GNB4: variants seen among roughly 807,000 people sequenced by gnomAD.
GNB4 encodes the protein G protein subunit beta 4, also known as guanine nucleotide-binding protein subunit beta-4.
GNB4 carries 28 observed loss-of-function variants against 45.2 expected under a neutral mutation model. That is an observed-to-expected ratio of 0.62 (90% CI 0.46 to 0.85). The LOEUF (loss-of-function observed/expected upper bound fraction) is 0.85, where lower values mean the gene tolerates loss of function less well. GNB4 is among the 40% of genes least tolerant of loss of function. The pLI, the probability that GNB4 is intolerant of heterozygous loss-of-function variation, is 0.00. For missense variants in GNB4, 321 were observed against 425.4 expected (o/e 0.75, Z 2.16); for synonymous variants, 132 against 143.7 (o/e 0.92, Z 0.58).
the GNB4 span, among the ~76,000 whole-genome samples, chr3:179,493,389 A>G: frequency 6.6e-6 from 1 of 152,192 alleles, no homozygotes; most frequent in Non-Finnish European, 1.5e-5. Flanking sequence ...TCATAAAAAA[A>G]GAACCAAACA....
Position 179,399,556 on chromosome 3 carries a change from T to C in GNB4, c.*1657A>G, listed in dbSNP as rs1467192947. ...TATAAATATACATTCATAACTGCCA[T>C]CTACAATATTCTGTTTTGGTCCTAT... is the stretch of plus-strand genomic sequence containing the variant. On this transcript the variant is annotated 3_prime_UTR_variant, in exon 10 of 10. Transcript: ENST00000232564. 2 of 152,216 alleles carry C rather than the reference T, an allele frequency of 1.3e-5. No homozygotes were observed. The highest frequency in any genetic ancestry group is 4.8e-5 in the African/African-American group (2 of 41,462). The allele number at this position is 152,216 out of a possible 1,614,324, so 9.4% of individuals were successfully genotyped here.
the GNB4 span, among the ~76,000 whole-genome samples, chr3:179,498,259 G>A: frequency 6.6e-6 from 1 of 152,122 alleles, no homozygotes; most frequent in Non-Finnish European, 1.5e-5. Flanking sequence ...AGAGTTTAGG[G>A]TACAAGATGT....
the GNB4 span, among the ~76,000 whole-genome samples, chr3:179,473,828 C>T: frequency 2.6e-5 from 4 of 152,274 alleles, no homozygotes; most frequent in South Asian, 2.1e-4. Flanking sequence ...GTTGTAGTTT[C>T]GGTTCAAGAG....
chr3:179,510,706 C>T, the GNB4 span, among the ~76,000 whole-genome samples: 4,728 of 152,178 alleles, frequency 0.031, 212 homozygotes, highest in African/African-American at 0.1. Context: ...CAATGTGAAG[C>T]TTCCTGCCTG....
chr3:179,426,723 G>A lies in GNB4; in HGVS notation c.-42-481C>T, dbSNP rs867014007. 4.6e-5 allele frequency among the ~76,000 whole-genome samples: 7 copies of A among 152,052 alleles called. No individual in the cohort carries two copies. The South Asian group carries it at 1.0e-3, about 23-fold the overall frequency. On this transcript the variant is annotated intron_variant, in intron 1 of 9. Transcript: ENST00000232564. ...CTGTTTTAATCATAGCCTCCCCATC[G>A]AATCCATTTGCAAATCATGTCAGTT...
the GNB4 span, among the ~76,000 whole-genome samples, chr3:179,460,412 G>C: frequency 1.3e-5 from 2 of 152,142 alleles, no homozygotes; most frequent in Non-Finnish European, 2.9e-5. Flanking sequence ...TGTAGAGACT[G>C]ACCCTAGGGC....
At chr3:179,489,188 G>A in the GNB4 span, among the ~76,000 whole-genome samples, 1 of 150,150 alleles carries the variant, frequency 6.7e-6, no homozygotes, top group Non-Finnish European at 1.5e-5. Context: ...TACCACAAAT[G>A]TCATGTTATA....
the GNB4 span, among the ~76,000 whole-genome samples, chr3:179,516,538 C>T: frequency 2.0e-3 from 311 of 152,172 alleles, 3 homozygotes; most frequent in African/African-American, 7.0e-3. Flanking sequence ...CTGAACAATC[C>T]CTGAGCAGTA....
At chr3:179,435,783 T>C (rs1244473066) in intron 1 of GNB4, among the ~76,000 whole-genome samples, 1 of 152,218 alleles carries the variant, frequency 6.6e-6, no homozygotes, top group Non-Finnish European at 1.5e-5. Flanking sequence ...GAGTTATCTT[T>C]TAAGAGTTCA....
At chr3:179,417,940 A>C (rs529680203) in intron 4 of GNB4, among the ~76,000 whole-genome samples, 2 of 152,178 alleles carry the variant, frequency 1.3e-5, no homozygotes, top group Admixed American at 6.5e-5. Flanking sequence ...CATCATCAGC[A>C]TAAGAGTTGA....
intron 1 of GNB4, among the ~76,000 whole-genome samples, chr3:179,435,300 CT>C (rs1446387063): frequency 6.6e-6 from 1 of 152,088 alleles, no homozygotes; most frequent in African/African-American, 2.4e-5. Flanking sequence ...TATCCTTGTA[CT>C]TAATTATTCC....
chr3:179,517,854 G>T, the GNB4 span, among the ~76,000 whole-genome samples: 1 of 152,124 alleles, frequency 6.6e-6, no homozygotes, highest in African/African-American at 2.4e-5. Flanking sequence ...ATCACGCAGG[G>T]ACGCCTGCCT....
At chr3:179,520,243 T>C in the GNB4 span, among the ~76,000 whole-genome samples, 5,512 of 148,536 alleles carry the variant, frequency 0.037, 328 homozygotes, top group East Asian at 0.24. Flanking sequence ...ACAGCCCGCA[T>C]TACTTCAGTC....
chr3:179,432,990 A>G (rs1217050052), intron 1 of GNB4, among the ~76,000 whole-genome samples: 4 of 152,230 alleles, frequency 2.6e-5, no homozygotes, highest in African/African-American at 7.2e-5. Flanking sequence ...AGCCAGGCGG[A>G]CTAACTGCAG....
At chr3:179,427,769 G>A (rs1257905908) in intron 1 of GNB4, among the ~76,000 whole-genome samples, 1 of 152,108 alleles carries the variant, frequency 6.6e-6, no homozygotes, top group African/African-American at 2.4e-5. Context: ...AAGGATTTAG[G>A]ATGAATCACA....
the GNB4 span, among the ~76,000 whole-genome samples, chr3:179,490,240 C>G: frequency 6.6e-6 from 1 of 152,138 alleles, no homozygotes; most frequent in Admixed American, 6.6e-5. Flanking sequence ...CTCCAATATC[C>G]CCTAACCTGA....
the GNB4 span, among the ~76,000 whole-genome samples, chr3:179,475,326 A>G: frequency 6.6e-5 from 10 of 151,480 alleles, no homozygotes; most frequent in South Asian, 2.1e-4. Context: ...TCACCATGTT[A>G]GCCAGGAAAG....
chr3:179,478,568 G>A, the GNB4 span, among the ~76,000 whole-genome samples: 42 of 151,974 alleles, frequency 2.8e-4, no homozygotes, highest in African/African-American at 9.7e-4. Context: ...TTTGCAATTA[G>A]GGCCTCGCTC....
the GNB4 span, among the ~76,000 whole-genome samples, chr3:179,479,966 GT>G: frequency 1.3e-5 from 2 of 152,318 alleles, no homozygotes; most frequent in Non-Finnish European, 2.9e-5. Flanking sequence ...ATGGATTAAT[GT>G]CAGCTCTTCC....
Sources: allele counts gnomAD v4.1 joint callset (sites outside exome capture counted in the v4.1 genomes callset), GRCh38; gene constraint gnomAD v4.1.1; transcripts MANE v1.5; gene names NCBI Gene and HGNC (gene_info 2026-07-23, HGNC 2026-07-21).